The following GDAP2 variants were observed in gnomAD, a reference collection of about 807,000 sequenced individuals.
The protein encoded by GDAP2 is ganglioside induced differentiation associated protein 2, also known as ganglioside-induced differentiation-associated protein 2.
GDAP2 carries 51 observed loss-of-function variants against 67.0 expected under a neutral mutation model. The ratio of observed to expected loss-of-function variants is 0.76; its 90% confidence interval spans 0.61 to 0.96. The LOEUF (loss-of-function observed/expected upper bound fraction) is 0.96, where lower values mean the gene tolerates loss of function less well. Among genes scored for constraint, GDAP2 ranks in the 40% least tolerant of loss-of-function variants. The probability of loss-of-function intolerance (pLI) is 0.00; values close to 1 mark genes in which losing one functional copy is unlikely to be tolerated. For synonymous variants in GDAP2, 203 were observed against 207.3 expected (o/e 0.98, Z 0.18); for missense variants, 547 against 588.3 (o/e 0.93, Z 0.73).
intron 3 of GDAP2, among the ~76,000 whole-genome samples, chr1:117,914,608 C>T (rs1649981833): frequency 6.6e-6 from 1 of 151,918 alleles, no homozygotes; most frequent in Non-Finnish European, 1.5e-5. Context: ...ACACCCAAAC[C>T]ATATGAAGGC....
chr1:117,869,660 C>T lies in GDAP2; in HGVS notation c.*909G>A, dbSNP rs1201513739. On this transcript the variant is annotated 3_prime_UTR_variant, in exon 14 of 14. Coordinates refer to ENST00000369443, the MANE Select transcript of GDAP2 (RefSeq NM_017686.4). ...CTCCCTGGATTTGTTCACTGTGACA[C>T]ACTTCCTCCACACTGATGCAGGCAA... The T allele has an allele frequency of 6.6e-6, 1 of 152,642 alleles. No individual in the cohort carries two copies. Among genetic ancestry groups the T allele is most frequent in the African/African-American group, 2.4e-5 (1 of 41,444 alleles). 9.5% of individuals were successfully genotyped at this position (152,642 alleles called of 1,614,324 possible).
At position 117,867,526 on chromosome 1, in the gene GDAP2, TGA is replaced by T. The variant is rs1491298938; in HGVS notation, c.*3041_*3042del. 5 of 81,038 alleles carry T rather than the reference TGA, an allele frequency of 6.2e-5. No individual in the cohort carries two copies. The highest frequency in any genetic ancestry group is 5.3e-4 in the South Asian group (1 of 1,898). The allele number at this position is 81,038 out of a possible 1,614,324, so 5.0% of individuals were successfully genotyped here. Reference sequence around the variant, plus strand: ...CAACATGGTGAAACCCTGTCTCTACTGAAAAAAAAAAAAAAAAAAAAAAAAAT... The same window carrying T: ...CAACATGGTGAAACCCTGTCTCTACTAAAAAAAAAAAAAAAAAAAAAAAAT... On this transcript the variant is annotated 3_prime_UTR_variant, in exon 14 of 14. Transcript: ENST00000369443.
intron 1 of GDAP2, among the ~76,000 whole-genome samples, chr1:117,927,175 A>C (rs1429495319): frequency 6.6e-6 from 1 of 152,156 alleles, no homozygotes; most frequent in Non-Finnish European, 1.5e-5. Flanking sequence ...ATCTTTTATA[A>C]TTCAAATGGT....
chr1:117,887,292 C>T (rs996197895), intron 9 of GDAP2, among the ~76,000 whole-genome samples: 2 of 152,076 alleles, frequency 1.3e-5, no homozygotes, highest in African/African-American at 4.8e-5. Context: ...CCAGGCAAAA[C>T]TAAATAGCAC....
At chr1:117,925,688 A>G (rs929206122) in intron 1 of GDAP2, among the ~76,000 whole-genome samples, 1 of 152,182 alleles carries the variant, frequency 6.6e-6, no homozygotes, top group African/African-American at 2.4e-5. Flanking sequence ...ATAGGGTCTG[A>G]GTTTGGATCC....
chr1:117,903,112 C>A (rs372935828), intron 6 of GDAP2, among the ~76,000 whole-genome samples: 9 of 151,758 alleles, frequency 5.9e-5, no homozygotes, highest in Non-Finnish European at 1.5e-5. Context: ...GCATATTGAT[C>A]TTATGTCCTG....
chr1:117,876,286 G>A (rs1648451967), intron 13 of GDAP2, among the ~76,000 whole-genome samples: 1 of 151,998 alleles, frequency 6.6e-6, no homozygotes, highest in East Asian at 1.9e-4. Context: ...CCTCTCTCTT[G>A]CTTCCCTTCC....
chr1:117,909,125 C>G (rs549885684), intron 5 of GDAP2, among the ~76,000 whole-genome samples: 2 of 152,274 alleles, frequency 1.3e-5, no homozygotes, highest in African/African-American at 4.8e-5. Context: ...ACTCTGCAAC[C>G]AACCACAATG....
At chr1:117,909,221 G>A (rs188422137) in intron 5 of GDAP2, among the ~76,000 whole-genome samples, 2 of 152,202 alleles carry the variant, frequency 1.3e-5, no homozygotes, top group East Asian at 3.9e-4. Flanking sequence ...GAAACACCAC[G>A]AGAACAAACA....
At chr1:117,926,815 C>T (rs1374773665) in intron 1 of GDAP2, among the ~76,000 whole-genome samples, 2 of 152,084 alleles carry the variant, frequency 1.3e-5, no homozygotes, top group Non-Finnish European at 2.9e-5. Flanking sequence ...GAATTAGAAT[C>T]TCAGTGATAG....
chr1:117,905,398 A>G (rs1221584639), intron 6 of GDAP2, among the ~76,000 whole-genome samples: 1 of 152,158 alleles, frequency 6.6e-6, no homozygotes, highest in Non-Finnish European at 1.5e-5. Context: ...TCTTATTTCT[A>G]TGCCTTTGCT....
intron 13 of GDAP2, among the ~76,000 whole-genome samples, chr1:117,876,895 T>C (rs1648475379): frequency 6.6e-6 from 1 of 152,224 alleles, no homozygotes; most frequent in Non-Finnish European, 1.5e-5. Flanking sequence ...TTCAAAATTT[T>C]GAGTGTAAAA....
At chr1:117,907,243 A>C (rs1236757483) in intron 5 of GDAP2, among the ~76,000 whole-genome samples, 1 of 152,136 alleles carries the variant, frequency 6.6e-6, no homozygotes, top group Non-Finnish European at 1.5e-5. Flanking sequence ...TCATCTTTTA[A>C]AAATGTTGTC....
Position 117,883,428 on chromosome 1 carries a change from T to C in GDAP2, c.1247+60A>G, listed in dbSNP as rs2101123702. The stretch of plus-strand genomic sequence containing the variant: ...CAGAATACAAAGCAATGTTTGCCAC[T>C]GCTTAATATTAGAAAAGAAAGAAAC... On this transcript the variant is annotated intron_variant, in intron 11 of 13. Coordinates refer to ENST00000369443, the MANE Select transcript of GDAP2 (RefSeq NM_017686.4). 2.4e-6 allele frequency: 3 copies of C among 1,270,098 alleles called. No homozygotes were observed. In the Middle Eastern group the frequency reaches 5.6e-4, roughly 238 times the overall value. The allele number at this position is 1,270,098 out of a possible 1,614,324, so 78.7% of individuals were successfully genotyped here. A position where few individuals can be genotyped will look rare whatever the true frequency, so the allele number is the denominator to read the frequency against.
chr1:117,922,196 TG>T (rs374578303), intron 1 of GDAP2, among the ~76,000 whole-genome samples: 1 of 152,148 alleles, frequency 6.6e-6, no homozygotes, highest in South Asian at 2.1e-4. Flanking sequence ...AGCATATGGA[TG>T]GTATTTAAAG....
At chr1:117,906,081 A>C (rs917198763) in intron 6 of GDAP2, among the ~76,000 whole-genome samples, 9 of 152,196 alleles carry the variant, frequency 5.9e-5, no homozygotes, top group African/African-American at 9.7e-5. Flanking sequence ...ATTAAACCTA[A>C]CTACATATAA....
Position 117,884,698 on chromosome 1 carries a change from TTTATTTGTA to T in GDAP2, c.1108-1080_1108-1072del, listed in dbSNP as rs548447781. ...AAAATCAAATGCAAAGATTTATGGT[TTTATTTGTA>T]TTAATCACATTATTATGAAAATGAG... is the stretch of plus-strand genomic sequence containing the variant. On this transcript the variant is annotated intron_variant, in intron 10 of 13. Coordinates refer to ENST00000369443, the MANE Select transcript of GDAP2 (RefSeq NM_017686.4). Among the ~76,000 whole-genome samples, 31 of 152,236 alleles carry T rather than the reference TTTATTTGTA, an allele frequency of 2.0e-4. No homozygotes were observed. In the East Asian group the frequency reaches 5.8e-3, roughly 28 times the overall value.
chr1:117,886,664 G>GA lies in GDAP2; in HGVS notation c.1031-12dup, dbSNP rs1163756680. 3 of 1,471,672 alleles carry GA rather than the reference G, an allele frequency of 2.0e-6. No individual in the cohort carries two copies. The African/African-American group carries it at 4.2e-5, about 20-fold the overall frequency. 91.2% of individuals were successfully genotyped at this position (1,471,672 alleles called of 1,614,324 possible). A position where few individuals can be genotyped will look rare whatever the true frequency, so the allele number is the denominator to read the frequency against. ...CACAGTTATCAACACCTATAAACAG[G>GA]AAATGTCATCAGCACCCAGAAACTT... On this transcript the variant is annotated splice_polypyrimidine_tract_variant and intron_variant, in intron 9 of 13. Coordinates refer to ENST00000369443, the MANE Select transcript of GDAP2 (RefSeq NM_017686.4).
intron 8 of GDAP2, chr1:117,896,560 G>C (rs1010091477): frequency 1.6e-4 from 45 of 280,814 alleles, no homozygotes; most frequent in African/African-American, 9.5e-4. Context: ...ACCTCGCATG[G>C]AGGCATTACT....
Sources: gnomAD v4.1 joint callset for allele counts (sites outside exome capture counted in the v4.1 genomes callset) on GRCh38, gnomAD v4.1.1 for gene constraint, MANE v1.5 for transcripts, NCBI Gene and HGNC (gene_info 2026-07-23, HGNC 2026-07-21) for gene names.